Variants in ACACA observed in about 807,000 individuals in gnomAD.
ACACA encodes the protein acetyl-CoA carboxylase 1.
ACACA carries 103 observed loss-of-function variants against 296.1 expected under a neutral mutation model. The observed-to-expected ratio is 0.35, with a 90% confidence interval of 0.30 to 0.41. ACACA has a LOEUF of 0.41. Ranked by LOEUF, ACACA falls within the 10% of genes least tolerant of loss-of-function variation. The pLI is 1.00. For synonymous variants in ACACA, 953 were observed against 1,038.6 expected (o/e 0.92, Z 1.58); for missense variants, 1,554 against 2,989.7 (o/e 0.52, Z 11.20).
chr17:37,338,921 CAG>C (rs2048259770), intron 2 of ACACA, among the ~76,000 whole-genome samples: 1 of 138,838 alleles, frequency 7.2e-6, no homozygotes, highest in Non-Finnish European at 1.5e-5. Context: ...GCCTGGGTGA[CAG>C]AGACTCCCTC....
At position 37,257,952 on chromosome 17, in the gene ACACA, T is replaced by C. The variant is rs1301234793; in HGVS notation, c.1663-86A>G. 7 of 1,518,732 alleles carry C rather than the reference T, an allele frequency of 4.6e-6. No individual in the cohort carries two copies. In the African/African-American group the frequency reaches 9.6e-5, roughly 21 times the overall value. The allele number at this position is 1,518,732 out of a possible 1,614,324, so 94.1% of individuals were successfully genotyped here. A position where few individuals can be genotyped will look rare whatever the true frequency, so the allele number is the denominator to read the frequency against. ...ATTCATTGTTTAAGTTCTCTGTTAA[T>C]CACACACAGAAGCAGAGAAGACACA... On this transcript the variant is annotated intron_variant, in intron 13 of 55. Coordinates refer to ENST00000616317, the MANE Select transcript of ACACA (RefSeq NM_198834.3).
chr17:37,167,889 G>A (rs2076744740), intron 41 of ACACA, among the ~76,000 whole-genome samples: 1 of 152,120 alleles, frequency 6.6e-6, no homozygotes, highest in Non-Finnish European at 1.5e-5. Flanking sequence ...TTGGAGGGAA[G>A]TAAATTGGAT....
At chr17:37,234,784 AC>A (rs1415254242) in intron 25 of ACACA, among the ~76,000 whole-genome samples, 190 bp downstream of exon 25, 1 of 152,210 alleles carries the variant, frequency 6.6e-6, no homozygotes, top group Non-Finnish European at 1.5e-5. Context: ...TCATTTTCTC[AC>A]TAAAGCAGGT....
rs143819282 is a variant in ACACA at position 37,227,451 on chromosome 17, C to T, written c.3247-999G>A. On this transcript the variant is annotated intron_variant, in intron 25 of 55. Coordinates refer to ENST00000616317, the MANE Select transcript of ACACA (RefSeq NM_198834.3). ...CCTTGGCTGGGCAGGGTGGCTCACA[C>T]CTGTAACCCCAGCATTTTGGGAGGT... Among the ~76,000 whole-genome samples the T allele has an allele frequency of 1.4e-3, 218 of 152,212 alleles. 1 individual carries two copies. Among genetic ancestry groups the T allele is most frequent in the Admixed American group, 5.3e-3 (81 of 15,286 alleles).
Position 37,088,988 on chromosome 17 carries a change from C to T in ACACA, c.6978G>A (p.Glu2326=), listed in dbSNP as rs1376706532. 1 of 1,614,002 alleles carries T rather than the reference C, an allele frequency of 6.2e-7. No individual in the cohort carries two copies. The highest frequency in any genetic ancestry group is 8.5e-7 in the Non-Finnish European group (1 of 1,180,026). The change falls in exon 55 of 56, where the codon GAG becomes GAA. Residue 2326 remains glutamate, a synonymous_variant. Transcript: ENST00000616317. Reference sequence around the variant, plus strand: ...CTCTGCTGATGCATTTGATGTTTTCCTCTATTACCGAGTGAACACCATCCT... The same window carrying T: ...CTCTGCTGATGCATTTGATGTTTTCTTCTATTACCGAGTGAACACCATCCT... ...TEEDGVHSVI[E]ENIKCISRDY...
rs989086760 is a variant in ACACA at position 37,144,373 on chromosome 17, T to A, written c.5679+5491A>T. Reference sequence around the variant, plus strand: ...GCTTGCCCCGGCGCTGTCTCTATCGTAACCTCTTTAAGTTATGTGAAAGTT... The same window carrying A: ...GCTTGCCCCGGCGCTGTCTCTATCGAAACCTCTTTAAGTTATGTGAAAGTT... On this transcript the variant is annotated intron_variant, in intron 45 of 55. Transcript: ENST00000616317. 2 of 443,900 alleles carry A rather than the reference T, an allele frequency of 4.5e-6. 1 individual carries two copies. Among genetic ancestry groups the A allele is most frequent in the East Asian group, 9.6e-5 (2 of 20,916 alleles). The allele number at this position is 443,900 out of a possible 1,614,324, so 27.5% of individuals were successfully genotyped here.
chr17:37,161,357 G>A (rs1044574706), intron 42 of ACACA, among the ~76,000 whole-genome samples: 5 of 152,228 alleles, frequency 3.3e-5, no homozygotes, highest in African/African-American at 1.2e-4. Context: ...AGGGCTACGG[G>A]GGAAGCAATA....
At chr17:37,216,532 T>A (rs1209987008) in intron 29 of ACACA, among the ~76,000 whole-genome samples, 2 of 151,776 alleles carry the variant, frequency 1.3e-5, no homozygotes, top group East Asian at 3.9e-4. Flanking sequence ...ATCTGCTTTT[T>A]AAAAAAATTA....
chr17:37,156,702 A>G (rs193112490), intron 42 of ACACA, among the ~76,000 whole-genome samples: 1 of 152,242 alleles, frequency 6.6e-6, no homozygotes, highest in African/African-American at 2.4e-5. Flanking sequence ...GCCACATACA[A>G]AGTAGAGTTA....
At chr17:37,268,753 A>ATCTATATATATC (rs2081930325) in intron 10 of ACACA, among the ~76,000 whole-genome samples, 1 of 142,664 alleles carries the variant, frequency 7.0e-6, no homozygotes, top group South Asian at 2.2e-4. Context: ...ATATATATAT[A>ATCTATATATATC]TATATATATA....
intron 39 of ACACA, among the ~76,000 whole-genome samples, chr17:37,184,318 C>G (rs575955807): frequency 6.6e-6 from 1 of 152,130 alleles, no homozygotes; most frequent in Non-Finnish European, 1.5e-5. Flanking sequence ...TCATAAAGAA[C>G]CATCTAATAT....
At chr17:37,392,511 T>C (rs2050925544) in intron 1 of ACACA, 1 of 152,150 alleles carries the variant, frequency 6.6e-6, no homozygotes, top group African/African-American at 2.4e-5. Flanking sequence ...AACCACCTGA[T>C]CTTGAATCAA....
At chr17:37,349,053 ATTAT>A (rs2048765486) in intron 1 of ACACA, among the ~76,000 whole-genome samples, 1 of 149,356 alleles carries the variant, frequency 6.7e-6, no homozygotes, top group African/African-American at 2.5e-5. Context: ...CATATTCTTT[ATTAT>A]TTATTATTAT....
At chr17:37,222,986 C>T (rs1427105321) in intron 28 of ACACA, among the ~76,000 whole-genome samples, 1 of 152,204 alleles carries the variant, frequency 6.6e-6, no homozygotes, top group African/African-American at 2.4e-5. Flanking sequence ...CTCAGAGTCT[C>T]ACTTTCTTCT....
intron 45 of ACACA, chr17:37,144,120 T>C (rs2143917881): frequency 1.3e-6 from 1 of 759,024 alleles, no homozygotes. Flanking sequence ...TATCTTCAAA[T>C]TTTCCCTTCT....
At chr17:37,290,106 G>A (rs989194521) in intron 3 of ACACA, among the ~76,000 whole-genome samples, 1 of 152,040 alleles carries the variant, frequency 6.6e-6, no homozygotes, top group Non-Finnish European at 1.5e-5. Context: ...GGAGTGCAGT[G>A]GTCCAATCTC....
chr17:37,161,258 T>C (rs188816916), intron 42 of ACACA, among the ~76,000 whole-genome samples: 1 of 152,158 alleles, frequency 6.6e-6, no homozygotes, highest in Non-Finnish European at 1.5e-5. Context: ...GAGAGGTGTC[T>C]GGAAGCAGCA....
intron 39 of ACACA, among the ~76,000 whole-genome samples, chr17:37,184,975 A>G (rs1272737702): frequency 6.6e-6 from 1 of 152,218 alleles, no homozygotes; most frequent in East Asian, 1.9e-4. Context: ...TAGACACAAA[A>G]TAGTACACAC....
rs967767124 is a variant in ACACA at position 37,224,987 on chromosome 17, T to C, written c.3474+5A>G. ...AGGGTTATATATATATATATATATA[T>C]ATACCTGCAGGTTCTCAATGCAAAA... On this transcript the variant is annotated splice_donor_5th_base_variant and intron_variant, in intron 27 of 55. Coordinates refer to ENST00000616317, the MANE Select transcript of ACACA (RefSeq NM_198834.3). 10 of 1,351,718 alleles carry C rather than the reference T, an allele frequency of 7.4e-6. No individual in the cohort carries two copies. Among genetic ancestry groups the C allele is most frequent in the Non-Finnish European group, 1.1e-5 (10 of 943,860 alleles). The allele number at this position is 1,351,718 out of a possible 1,614,324, so 83.7% of individuals were successfully genotyped here. A position where few individuals can be genotyped will look rare whatever the true frequency, so the allele number is the denominator to read the frequency against.
Sources: allele counts gnomAD v4.1 joint callset (sites outside exome capture counted in the v4.1 genomes callset), GRCh38; gene constraint gnomAD v4.1.1; transcripts MANE v1.5; gene names NCBI Gene and HGNC (gene_info 2026-07-23, HGNC 2026-07-21).